Variants in ZFP37 observed in about 807,000 individuals in gnomAD.
ZFP37 encodes zinc finger protein 37 homolog.
Under a neutral mutation model 52.1 loss-of-function variants are expected in ZFP37, and 38 were observed. The observed-to-expected ratio is 0.73, with a 90% CI of 0.56 to 0.96. The LOEUF is 0.96. ZFP37 is among the 40% of genes least tolerant of loss of function. ZFP37 has a pLI of 0.00. For synonymous variants in ZFP37, 253 were observed against 259.5 expected (o/e 0.98, Z 0.24); for missense variants, 695 against 741.4 (o/e 0.94, Z 0.73).
At position 113,052,416 on chromosome 9, in the gene ZFP37, C is replaced by T. The variant is rs926011832; in HGVS notation, c.133-2544G>A. On this transcript the variant is annotated intron_variant, in intron 1 of 3. Coordinates refer to ENST00000374227, the MANE Select transcript of ZFP37 (RefSeq NM_003408.3). The surrounding 1 kb of genome is among the most constrained non-coding windows in gnomAD (Gnocchi z 4.1). The stretch of plus-strand genomic sequence containing the variant: ...TTTCAGCCATTAACCCTTCTGGGTC[C>T]GGTGATTTGCTAGGAGGACTCACAT... Among the ~76,000 whole-genome samples, 13 of 152,192 alleles carry T rather than the reference C, an allele frequency of 8.5e-5. No homozygotes were observed. Among genetic ancestry groups the T allele is most frequent in the South Asian group, 2.1e-4 (1 of 4,820 alleles).
intron 3 of ZFP37, among the ~76,000 whole-genome samples, chr9:113,048,427 A>G (rs1828997207): frequency 6.6e-6 from 1 of 152,164 alleles, no homozygotes; most frequent in Admixed American, 6.5e-5. Flanking sequence ...AGAAAAGGAG[A>G]AAAGCTGAGG....
intron 3 of ZFP37, among the ~76,000 whole-genome samples, chr9:113,045,952 AG>A (rs1342539498): frequency 6.6e-6 from 1 of 152,176 alleles, no homozygotes. Flanking sequence ...AGAAAGAAGC[AG>A]GAAGTGAATA....
rs540076004 is a variant in ZFP37 at position 113,046,924 on chromosome 9, C to A, written c.349+2438G>T. On this transcript the variant is annotated intron_variant, in intron 3 of 3. Coordinates refer to ENST00000374227, the MANE Select transcript of ZFP37 (RefSeq NM_003408.3). ...GGAATCGAGACCATCCTAGCTAACA[C>A]GGTGAAACCCCGTCTCTACCAAAAA... Among the ~76,000 whole-genome samples, 26 of 152,136 alleles carry A rather than the reference C, an allele frequency of 1.7e-4. 1 individual carries two copies. The South Asian group carries it at 5.2e-3, about 30-fold the overall frequency.
intron 3 of ZFP37, among the ~76,000 whole-genome samples, chr9:113,047,039 G>C (rs183341004): frequency 1.3e-5 from 2 of 151,708 alleles, no homozygotes; most frequent in African/African-American, 4.8e-5. Flanking sequence ...AACTCGGGAG[G>C]AGGAGCTTGC....
At chr9:113,050,386 G>A (rs909482290) in intron 1 of ZFP37, among the ~76,000 whole-genome samples, 3 of 145,808 alleles carry the variant, frequency 2.1e-5, no homozygotes, top group Admixed American at 7.2e-5. Flanking sequence ...ACCCTGTCTC[G>A]ACAAACAGAA....
Position 113,043,829 on chromosome 9 carries a change from G to T in ZFP37, c.789C>A (p.Asp263Glu). The T allele has an allele frequency of 3.1e-6, 5 of 1,613,978 alleles. No individual in the cohort carries two copies. Among genetic ancestry groups the T allele is most frequent in the Non-Finnish European group, 4.2e-6 (5 of 1,179,934 alleles). The change falls in exon 4 of 4, where the codon GAC (aspartate) becomes GAA (glutamate). Residue 263 changes from aspartate to glutamate, a missense_variant. Around this residue, in one of 2 missense-constraint regions of ZFP37, gnomAD observed 369 missense variants for 340.9 expected, o/e 1.08. Coordinates refer to ENST00000374227, the MANE Select transcript of ZFP37 (RefSeq NM_003408.3). ...CCHSSSHIKQ[D>E]KIQTGEKHEK... ...CATGTTTCTCTCCAGTTTGAATTTT[G>T]TCCTGTTTAATATGGGATGAACTAT...
At chr9:113,049,959 T>G (rs933690540) in intron 1 of ZFP37, 87 bp from the exon 2 acceptor site, 1 of 1,593,084 alleles carries the variant, frequency 6.3e-7, no homozygotes, top group Non-Finnish European at 8.6e-7. Flanking sequence ...TTATCCACAT[T>G]TGGTGAGTGA....
rs1001990866 is a variant in ZFP37 at position 113,043,302 on chromosome 9, C to T, written c.1316G>A (p.Gly439Glu). 3 of 1,613,990 alleles carry T rather than the reference C, an allele frequency of 1.9e-6. No homozygotes were observed. The highest frequency in any genetic ancestry group is 2.5e-6 in the Non-Finnish European group (3 of 1,179,966). ...GEIPYECNEC[G>E]KAFKYSSSLT... ...GGATGAGCTATACTTAAAGGCTTTT[C>T]CACATTCATTGCATTCATATGGTAT... The change falls in exon 4 of 4, where the codon GGA becomes GAA. Residue 439 changes from glycine (G) to glutamate (E), a missense_variant. This residue lies in a region of ZFP37 where 326 missense variants were observed against 400.5 expected (regional missense o/e 0.81). Transcript: ENST00000374227.
intron 1 of ZFP37, among the ~76,000 whole-genome samples, chr9:113,050,223 A>G (rs1423663017): frequency 6.6e-6 from 1 of 152,016 alleles, no homozygotes; most frequent in African/African-American, 2.4e-5. Flanking sequence ...CATCTCTACA[A>G]GAAAATACAA....
At chr9:113,048,872 TAA>T (rs1649493719) in intron 3 of ZFP37, among the ~76,000 whole-genome samples, 1 of 151,896 alleles carries the variant, frequency 6.6e-6, no homozygotes, top group East Asian at 1.9e-4. Context: ...GCAGTGACTT[TAA>T]GAGTTACCAT....
chr9:113,043,607 A>C lies in ZFP37; in HGVS notation c.1011T>G (p.Val337=). 1.2e-6 allele frequency: 2 copies of C among 1,614,050 alleles called. No homozygotes were observed. The highest frequency in any genetic ancestry group is 1.7e-6 in the Non-Finnish European group (2 of 1,179,950). The stretch of plus-strand genomic sequence containing the variant: ...CTCCGGTGTGAGTTCTCTGATGTAC[A>C]ACAAGGTGTGACTTTTGGCTAAAGG... ...GIAFSQKSHL[V]VHQRTHTGEK... Residue 337 remains valine (V), a synonymous_variant, in exon 4 of 4, where the codon GTT becomes GTG. Coordinates refer to ENST00000374227, the MANE Select transcript of ZFP37 (RefSeq NM_003408.3).
At chr9:113,046,712 A>C (rs1210649820) in intron 3 of ZFP37, among the ~76,000 whole-genome samples, 1 of 152,208 alleles carries the variant, frequency 6.6e-6, no homozygotes, top group Non-Finnish European at 1.5e-5. Flanking sequence ...TGCTAAGCTA[A>C]AACAACTGTA....
intron 3 of ZFP37, among the ~76,000 whole-genome samples, chr9:113,045,472 CTT>C (rs1468022755): frequency 6.6e-6 from 1 of 152,126 alleles, no homozygotes; most frequent in Non-Finnish European, 1.5e-5. Context: ...TATATTTGTT[CTT>C]TTCAGGTCTT....
Position 113,043,438 on chromosome 9 carries a change from G to A in ZFP37, c.1180C>T (p.Gln394Ter), listed in dbSNP as rs1360046918. The A allele has an allele frequency of 1.5e-5, 25 of 1,613,924 alleles. No homozygotes were observed. The highest frequency in any genetic ancestry group is 1.8e-5 in the Non-Finnish European group (21 of 1,179,966). The change falls in exon 4 of 4, where the codon CAA (glutamine) becomes TAA (stop). Residue 394 changes from glutamine to a stop codon, truncating the protein, a stop_gained. Coordinates refer to ENST00000374227, the MANE Select transcript of ZFP37 (RefSeq NM_003408.3). LOFTEE classifies it high-confidence loss of function. ...TCACCTGTGTGAGATCTCACATGTTGAATAAGGTTTGAGCTGTGTCTGAAG... is the reference window on the plus strand; with the variant it reads ...TCACCTGTGTGAGATCTCACATGTTAAATAAGGTTTGAGCTGTGTCTGAAG... Reference protein sequence around the residue: ...KTFRHSSNLIQHVRSHTGEKP... With the variant: ...KTFRHSSNLI
In ZFP37 at chr9:113,052,173, C is replaced by A. The variant is rs1483434245; in HGVS notation, c.133-2301G>T. 6.6e-6 allele frequency among the ~76,000 whole-genome samples: 1 copy of A among 152,150 alleles called. No homozygotes were observed. The highest frequency in any genetic ancestry group is 2.4e-5 in the African/African-American group (1 of 41,434). ...ACTCCTCCCTCAACCTCTTTAGCCA[C>A]TCCCTTCATTTGCATGCTTCACCTG... On this transcript the variant is annotated intron_variant, in intron 1 of 3. Transcript: ENST00000374227. This position sits in a 1 kb window ranked among gnomAD's most constrained non-coding sequence, Gnocchi z 4.1.
rs185537825 is a variant in ZFP37 at position 113,048,750 on chromosome 9, G to A, written c.349+612C>T. 5.2e-3 allele frequency among the ~76,000 whole-genome samples: 796 copies of A among 152,232 alleles called. 6 individuals carry two copies. Among genetic ancestry groups the A allele is most frequent in the South Asian group, 0.016 (78 of 4,824 alleles). The stretch of plus-strand genomic sequence containing the variant: ...AATGCATAGCCTTTTGAATTATAGC[G>A]CACTTCCCAGTGGAAGGATTATACG... On this transcript the variant is annotated intron_variant, in intron 3 of 3. Coordinates refer to ENST00000374227, the MANE Select transcript of ZFP37 (RefSeq NM_003408.3).
chr9:113,048,036 G>A (rs959810409), intron 3 of ZFP37, among the ~76,000 whole-genome samples: 5 of 152,230 alleles, frequency 3.3e-5, no homozygotes. Context: ...AGAAGGAAGA[G>A]AAGCTAGTAA....
intron 3 of ZFP37, among the ~76,000 whole-genome samples, chr9:113,046,133 T>G (rs916931933): frequency 3.3e-5 from 5 of 150,558 alleles, no homozygotes; most frequent in African/African-American, 1.2e-4. Context: ...AAATAAAATA[T>G]ATATCTGTCT....
chr9:113,038,552 G>A lies in ZFP37; in HGVS notation c.*4173C>T, dbSNP rs926793284. 3.3e-5 allele frequency: 5 copies of A among 151,782 alleles called. No individual in the cohort carries two copies. The highest frequency in any genetic ancestry group is 1.2e-4 in the African/African-American group (5 of 41,314). The allele number at this position is 151,782 out of a possible 1,614,324, so 9.4% of individuals were successfully genotyped here. On this transcript the variant is annotated 3_prime_UTR_variant, in exon 4 of 4. Coordinates refer to ENST00000374227, the MANE Select transcript of ZFP37 (RefSeq NM_003408.3). Reference sequence around the variant, plus strand: ...AATCACAGCACTTTGGGAGGCCAAGGTGGGCAGATCACTTGAGCCCAGAAG... The same window carrying A: ...AATCACAGCACTTTGGGAGGCCAAGATGGGCAGATCACTTGAGCCCAGAAG...
Sources: gnomAD v4.1 joint callset for allele counts (sites outside exome capture counted in the v4.1 genomes callset) on GRCh38, gnomAD v4.1.1 for gene constraint, gnomAD v4.1.1 regional missense constraint, Gnocchi (gnomAD v3.1) non-coding constraint, MANE v1.5 for transcripts, NCBI Gene and HGNC (gene_info 2026-07-23, HGNC 2026-07-21) for gene names.